Variants in EPS15 observed in about 807,000 individuals in gnomAD.
EPS15 encodes epidermal growth factor receptor pathway substrate 15, also known as epidermal growth factor receptor substrate 15.
A neutral mutation model predicts 113.8 loss-of-function variants in EPS15; 72 were observed. That is an observed-to-expected ratio of 0.63 (90% CI 0.52 to 0.77). The LOEUF (loss-of-function observed/expected upper bound fraction) is 0.77. EPS15 is among the 30% of genes least tolerant of loss of function. EPS15 has a pLI of 0.00. For missense variants in EPS15, 1,048 were observed against 1,045.8 expected, an observed-to-expected ratio of 1.00 and a Z score of -0.03; for synonymous variants, 344 against 363.4, an observed-to-expected ratio of 0.95 and a Z score of 0.61.
chr1:51,372,541 G>A (rs942626376), intron 21 of EPS15: 1 of 529,182 alleles, frequency 1.9e-6, no homozygotes, highest in African/African-American at 1.9e-5. Flanking sequence ...TAGTTGGGTG[G>A]TACCACACAG....
chr1:51,404,805 A>C (rs1459509570), intron 16 of EPS15, among the ~76,000 whole-genome samples: 1 of 152,192 alleles, frequency 6.6e-6, no homozygotes, highest in African/African-American at 2.4e-5. Context: ...TAAAATATAC[A>C]TATCTGGCTC....
chr1:51,491,944 G>A (rs1185587285), intron 1 of EPS15, among the ~76,000 whole-genome samples: 3 of 143,366 alleles, frequency 2.1e-5, no homozygotes, highest in African/African-American at 5.3e-5. Context: ...TCCACTCACC[G>A]CAGCCTCCAC....
chr1:51,498,291 T>G (rs1198877289), intron 1 of EPS15, among the ~76,000 whole-genome samples: 1 of 152,200 alleles, frequency 6.6e-6, no homozygotes, highest in Non-Finnish European at 1.5e-5. Flanking sequence ...GGTACGGTGC[T>G]CAGTGGTATC....
In EPS15 at chr1:51,448,090, T is replaced by C; in HGVS notation, c.607A>G (p.Met203Val). 2 of 1,613,860 alleles carry C rather than the reference T, an allele frequency of 1.2e-6. No homozygotes were observed. The highest frequency in any genetic ancestry group is 1.7e-6 in the Non-Finnish European group (2 of 1,179,816). Residue 203 changes from methionine to valine, a missense_variant, in exon 9 of 25, where the codon ATG (methionine) becomes GTG (valine). Met to Val is a conservative substitution (Grantham distance 21, BLOSUM62 1). Coordinates refer to ENST00000371733, the MANE Select transcript of EPS15 (RefSeq NM_001981.3). ...GGCACCAAGGCTGGAGGCAAGGACA[T>C]TGGCACAGGTTCTTTCTCCAGTGCA... ...YCALEKEPVP[M>V]SLPPALVPPS...
chr1:51,420,818 C>T (rs1263308007), intron 13 of EPS15, among the ~76,000 whole-genome samples: 1 of 152,124 alleles, frequency 6.6e-6, no homozygotes, highest in Non-Finnish European at 1.5e-5. Flanking sequence ...CACCCTAGCA[C>T]AGTCCACCAG....
chr1:51,437,397 T>C (rs1652234509), intron 12 of EPS15, among the ~76,000 whole-genome samples: 2 of 151,782 alleles, frequency 1.3e-5, no homozygotes, highest in African/African-American at 2.4e-5. Context: ...AAGAAAAAAG[T>C]ATTATAAAGT....
intron 21 of EPS15, among the ~76,000 whole-genome samples, chr1:51,387,658 G>A (rs1647123132): frequency 6.6e-6 from 1 of 152,236 alleles, no homozygotes; most frequent in South Asian, 2.1e-4. Flanking sequence ...AAAAAAGGCA[G>A]GGGTTGCAAT....
intron 23 of EPS15, among the ~76,000 whole-genome samples, chr1:51,363,107 G>C (rs1646426210): frequency 6.6e-6 from 1 of 152,050 alleles, no homozygotes; most frequent in Non-Finnish European, 1.5e-5. Context: ...AGACCAGCGT[G>C]GCCAACATGG....
intron 1 of EPS15, among the ~76,000 whole-genome samples, chr1:51,489,472 C>T (rs890925331): frequency 6.6e-6 from 1 of 151,834 alleles, no homozygotes; most frequent in African/African-American, 2.4e-5. Flanking sequence ...CAGGTGCACA[C>T]CACCACGCCA....
chr1:51,431,686 A>T (rs576655874), intron 12 of EPS15, among the ~76,000 whole-genome samples: 1 of 152,042 alleles, frequency 6.6e-6, no homozygotes, highest in African/African-American at 2.4e-5. Context: ...CCCTCAGGTG[A>T]TCCTCCCACC....
At chr1:51,361,131 T>G in intron 24 of EPS15, 40 bp downstream of exon 24, 1 of 1,484,090 alleles carries the variant, frequency 6.7e-7, no homozygotes, top group Non-Finnish European at 9.2e-7. Context: ...GAAAACTCTT[T>G]AAAGATTTCT....
chr1:51,476,613 G>A (rs61782116), intron 2 of EPS15, among the ~76,000 whole-genome samples: 4,358 of 151,898 alleles, frequency 0.029, 86 homozygotes, highest in Non-Finnish European at 0.043. Flanking sequence ...TCTTGCTAGC[G>A]GTCTATCAAT....
chr1:51,458,804 G>A (rs1048465005), intron 8 of EPS15: 1 of 203,724 alleles, frequency 4.9e-6, no homozygotes, highest in Non-Finnish European at 1.0e-5. Flanking sequence ...CAAAGATTTT[G>A]CACCAATATT....
intron 21 of EPS15, among the ~76,000 whole-genome samples, chr1:51,393,189 C>T (rs1166836081): frequency 6.6e-6 from 1 of 152,178 alleles, no homozygotes; most frequent in Admixed American, 6.5e-5. Context: ...ACAATTTGTT[C>T]ATTATAAGAA....
chr1:51,356,574 C>A lies in EPS15; in HGVS notation c.*126G>T. The A allele has an allele frequency of 2.1e-5, 15 of 698,928 alleles. No homozygotes were observed. The highest frequency in any genetic ancestry group is 3.3e-5 in the East Asian group (1 of 30,216). 43.3% of individuals were successfully genotyped at this position (698,928 alleles called of 1,614,324 possible). ...AAAAAAAAAAATCCTAAAATTTTGT[C>A]ACATTTACAGGAATCTCAAACCTTT... On this transcript the variant is annotated 3_prime_UTR_variant, in exon 25 of 25. Coordinates refer to ENST00000371733, the MANE Select transcript of EPS15 (RefSeq NM_001981.3).
At chr1:51,458,730 C>A in intron 8 of EPS15, 1 of 216,174 alleles carries the variant, frequency 4.6e-6, no homozygotes, top group Non-Finnish European at 9.8e-6. Flanking sequence ...GAGTGAGACT[C>A]CGTCTAAAAA....
intron 2 of EPS15, among the ~76,000 whole-genome samples, chr1:51,478,050 G>A (rs1204089457): frequency 6.6e-6 from 1 of 152,206 alleles, no homozygotes; most frequent in Non-Finnish European, 1.5e-5. Context: ...TGTTGACAGT[G>A]TGGTGTTAAA....
At chr1:51,422,644 A>G (rs1233245675) in intron 12 of EPS15, among the ~76,000 whole-genome samples, 3 of 152,398 alleles carry the variant, frequency 2.0e-5, no homozygotes, top group East Asian at 1.9e-4. Flanking sequence ...TAGATTCAGA[A>G]TTGCAAAATA....
intron 5 of EPS15, among the ~76,000 whole-genome samples, chr1:51,467,501 G>A (rs1654927959): frequency 6.6e-6 from 1 of 152,136 alleles, no homozygotes; most frequent in Non-Finnish European, 1.5e-5. Flanking sequence ...AAACAAAGTG[G>A]AAGCTTCTAT....
Sources: allele counts gnomAD v4.1 joint callset (sites outside exome capture counted in the v4.1 genomes callset), GRCh38; gene constraint gnomAD v4.1.1; transcripts MANE v1.5; gene names NCBI Gene and HGNC (gene_info 2026-07-23, HGNC 2026-07-21).